Variants in RASGEF1C observed in about 807,000 individuals in gnomAD.
The protein encoded by RASGEF1C is ras-GEF domain-containing family member 1C.
Under a neutral mutation model 58.1 loss-of-function variants are expected in RASGEF1C, and 27 were observed. The observed-to-expected ratio is 0.46, with a 90% CI of 0.34 to 0.64. The LOEUF (loss-of-function observed/expected upper bound fraction) is 0.64, where lower values mean the gene tolerates loss of function less well. RASGEF1C is among the 30% of genes least tolerant of loss of function. RASGEF1C has a pLI of 0.01. For missense variants in RASGEF1C, 502 were observed against 605.1 expected, an observed-to-expected ratio of 0.83 and a Z score of 1.79; for synonymous variants, 243 against 246.3, an observed-to-expected ratio of 0.99 and a Z score of 0.13.
rs907328962 is a variant in RASGEF1C, at chr5:180,152,610, G to A, written c.-6-14552C>T. On this transcript the variant is annotated intron_variant, in intron 1 of 13. Transcript: ENST00000361132. ...GATAGCATTAGGAGATATACCTAAC[G>A]TTAAATGACGAGTTAATGGGTGCAG... Among the ~76,000 whole-genome samples the A allele has an allele frequency of 6.7e-5, 10 of 149,676 alleles. 1 individual carries two copies. The highest frequency in any genetic ancestry group is 2.0e-4 in the Admixed American group (3 of 15,088).
rs188628285 is a variant in RASGEF1C at position 180,105,741 on chromosome 5, G to A, written c.1304-3598C>T. Among the ~76,000 whole-genome samples the A allele has an allele frequency of 5.1e-3, 773 of 152,038 alleles. 6 individuals carry two copies. Among genetic ancestry groups the A allele is most frequent in the African/African-American group, 0.018 (729 of 41,452 alleles). On this transcript the variant is annotated intron_variant, in intron 12 of 13. Transcript: ENST00000361132. ...AAATTAGCTGGGCGTGGTGGCTCAC[G>A]CCTGTAATCCCAGTGACTTGGGTGG...
At chr5:180,151,703 C>A (rs985272987) in intron 1 of RASGEF1C, among the ~76,000 whole-genome samples, 6 of 151,696 alleles carry the variant, frequency 4.0e-5, no homozygotes, top group African/African-American at 1.5e-4. Flanking sequence ...GCAACAAAAG[C>A]CAAAATTGAC....
intron 1 of RASGEF1C, among the ~76,000 whole-genome samples, chr5:180,189,133 G>T (rs1020657710): frequency 6.6e-6 from 1 of 152,144 alleles, no homozygotes; most frequent in Admixed American, 6.5e-5. Flanking sequence ...AGCATCAATT[G>T]TATTTCTACC....
At chr5:180,196,791 C>G (rs1369126968) in intron 1 of RASGEF1C, among the ~76,000 whole-genome samples, 4 of 152,170 alleles carry the variant, frequency 2.6e-5, no homozygotes, top group African/African-American at 9.7e-5. Context: ...CCTTATTCAT[C>G]TTTTGAAACA....
At chr5:180,200,475 A>G (rs75819511) in intron 1 of RASGEF1C, among the ~76,000 whole-genome samples, 1 of 151,060 alleles carries the variant, frequency 6.6e-6, no homozygotes, top group Non-Finnish European at 1.5e-5. Context: ...ACGCCAGGCT[A>G]ATTTTTTTTT....
At chr5:180,170,627 T>C (rs1164366433) in intron 1 of RASGEF1C, among the ~76,000 whole-genome samples, 1 of 152,148 alleles carries the variant, frequency 6.6e-6, no homozygotes. Context: ...GGTTTCCTCT[T>C]TCATCGAACC....
chr5:180,115,285 CT>C (rs745892277), intron 10 of RASGEF1C: 13,325 of 386,358 alleles, frequency 0.034, 15 homozygotes, highest in East Asian at 0.075. Context: ...AGGTGGCCTC[CT>C]TTTTAAAAAA....
chr5:180,138,028 C>T lies in RASGEF1C; in HGVS notation c.25G>A (p.Asp9Asn), dbSNP rs774289825. Residue 9 changes from aspartate to asparagine, a missense_variant, in exon 2 of 14, where the codon GAC becomes AAC. Physicochemically the swap from Asp to Asn is conservative, Grantham distance 23. Transcript: ENST00000361132. The part of the protein sequence containing the change: MPQTLSAS[D>N]MVTPGSLSPP... ...CTGAGGCTGCCTGGGGTGACCATGT[C>T]GGAGGCACTCAGCGTCTGTGGCATG... 68 of 1,531,908 alleles carry T rather than the reference C, an allele frequency of 4.4e-5. No individual in the cohort carries two copies. The highest frequency in any genetic ancestry group is 1.8e-4 in the Middle Eastern group (1 of 5,594). The allele number at this position is 1,531,908 out of a possible 1,614,324, so 94.9% of individuals were successfully genotyped here. A position where few individuals can be genotyped will look rare whatever the true frequency, so the allele number is the denominator to read the frequency against.
Position 180,182,343 on chromosome 5 carries a change from C to T in RASGEF1C, c.-7+26685G>A, listed in dbSNP as rs191882151. On this transcript the variant is annotated intron_variant, in intron 1 of 13. Transcript: ENST00000361132. Reference sequence around the variant, plus strand: ...GTCTCGCTGACTTCAAGAATGAAGCCGCGGACCTTCACGGTGAGTGTTACA... The same window carrying T: ...GTCTCGCTGACTTCAAGAATGAAGCTGCGGACCTTCACGGTGAGTGTTACA... 1.6e-4 allele frequency among the ~76,000 whole-genome samples: 24 copies of T among 152,042 alleles called. No individual in the cohort carries two copies. In the East Asian group the frequency reaches 4.4e-3, roughly 28 times the overall value.
intron 1 of RASGEF1C, among the ~76,000 whole-genome samples, chr5:180,204,007 C>CG (rs1756447056): frequency 1.2e-4 from 3 of 25,992 alleles, no homozygotes; most frequent in Admixed American, 3.5e-4. Context: ...AACAAACAAA[C>CG]AAACAACAAC....
intron 1 of RASGEF1C, among the ~76,000 whole-genome samples, chr5:180,171,423 G>A (rs1182171029): frequency 6.6e-6 from 1 of 152,166 alleles, no homozygotes; most frequent in Non-Finnish European, 1.5e-5. Flanking sequence ...ACCCGCCCAT[G>A]AGAAGATGGG....
chr5:180,166,029 G>A (rs543707685), intron 1 of RASGEF1C, among the ~76,000 whole-genome samples: 325 of 152,054 alleles, frequency 2.1e-3, no homozygotes, highest in African/African-American at 6.8e-3. Context: ...GATTACAGGC[G>A]TGAGCCACCA....
intron 1 of RASGEF1C, among the ~76,000 whole-genome samples, chr5:180,176,697 T>C (rs371573005): frequency 4.5e-4 from 68 of 152,060 alleles, no homozygotes; most frequent in South Asian, 6.3e-4. Context: ...GCTGGGACTA[T>C]AGGCGTCTGC....
chr5:180,132,280 C>G (rs1219867419), intron 4 of RASGEF1C, among the ~76,000 whole-genome samples: 3 of 152,256 alleles, frequency 2.0e-5, no homozygotes, highest in Admixed American at 1.3e-4. Context: ...TTTCCACAAG[C>G]CATCTGCTGC....
intron 4 of RASGEF1C, among the ~76,000 whole-genome samples, chr5:180,129,512 C>T (rs544698632): frequency 3.3e-5 from 5 of 152,232 alleles, no homozygotes; most frequent in South Asian, 4.1e-4. Context: ...TGGCTGAGGC[C>T]CCCCCAGAGC....
intron 1 of RASGEF1C, among the ~76,000 whole-genome samples, chr5:180,207,821 A>G (rs1224659129): frequency 6.6e-6 from 1 of 151,914 alleles, no homozygotes; most frequent in Non-Finnish European, 1.5e-5. Flanking sequence ...CGTCCATCAC[A>G]GGCTGGGCTC....
chr5:180,120,913 G>C, intron 7 of RASGEF1C, 147 bp downstream of exon 7: 1 of 605,848 alleles, frequency 1.7e-6, no homozygotes, highest in Non-Finnish European at 3.0e-6. Context: ...GTGTCACCTG[G>C]AGTCCTGGAG....
intron 1 of RASGEF1C, among the ~76,000 whole-genome samples, chr5:180,182,479 T>C (rs1027691098): frequency 1.3e-5 from 2 of 152,196 alleles, no homozygotes; most frequent in African/African-American, 4.8e-5. Context: ...GTTGCCGCTG[T>C]TGGCTGGGAT....
intron 11 of RASGEF1C, among the ~76,000 whole-genome samples, chr5:180,112,580 G>GC (rs1561730580): frequency 6.6e-6 from 1 of 152,086 alleles, no homozygotes; most frequent in East Asian, 1.9e-4. Context: ...GTGGGGCCTC[G>GC]CACCCACTGT....
Sources: gnomAD v4.1 joint callset for allele counts (sites outside exome capture counted in the v4.1 genomes callset) on GRCh38, gnomAD v4.1.1 for gene constraint, MANE v1.5 for transcripts, NCBI Gene and HGNC (gene_info 2026-07-23, HGNC 2026-07-21) for gene names.